The following GABRR3 variants were observed in gnomAD, a reference collection of about 807,000 sequenced individuals.
GABRR3 encodes the protein gamma-aminobutyric acid type A receptor subunit rho3, also known as gamma-aminobutyric acid receptor subunit rho-3.
Under a neutral mutation model 43.2 loss-of-function variants are expected in GABRR3, and 29 were observed. The observed-to-expected ratio is 0.67, with a 90% confidence interval of 0.50 to 0.92. GABRR3 has a LOEUF of 0.92. GABRR3 is among the 40% of genes least tolerant of loss of function. The pLI is 0.00. For synonymous variants in GABRR3, 206 were observed against 195.9 expected, an observed-to-expected ratio of 1.05 and a Z score of -0.43; for missense variants, 576 against 572.3, an observed-to-expected ratio of 1.01 and a Z score of -0.07.
At chr3:98,029,931 C>G (rs1466382728) in intron 2 of GABRR3, among the ~76,000 whole-genome samples, 1 of 151,872 alleles carries the variant, frequency 6.6e-6, no homozygotes, top group Non-Finnish European at 1.5e-5. Flanking sequence ...GACTGGCCAA[C>G]ATGGTAAACC....
intron 8 of GABRR3, among the ~76,000 whole-genome samples, chr3:97,993,634 A>G (rs1307045388): frequency 6.6e-6 from 1 of 152,204 alleles, no homozygotes; most frequent in Non-Finnish European, 1.5e-5. Context: ...GATTCTGAGT[A>G]TAAGTGTGCT....
chr3:98,029,168 G>A (rs1457363972), intron 2 of GABRR3, among the ~76,000 whole-genome samples: 1 of 152,178 alleles, frequency 6.6e-6, no homozygotes. Context: ...GCCTCTCACT[G>A]GCATTCCTAA....
chr3:97,989,048 G>A (rs1378194091), intron 9 of GABRR3, among the ~76,000 whole-genome samples: 1 of 151,166 alleles, frequency 6.6e-6, no homozygotes, highest in Non-Finnish European at 1.5e-5. Context: ...GGTGGGTGGT[G>A]AGTGGTGGTG....
chr3:97,993,128 G>T (rs1333281987), intron 8 of GABRR3, 80 bp from the exon 9 acceptor site: 47 of 1,152,314 alleles, frequency 4.1e-5, no homozygotes, highest in Admixed American at 1.6e-4. Context: ...ACCAGGGGAT[G>T]CATTTCTAGA....
chr3:98,024,597 G>T (rs1706989748), intron 3 of GABRR3, among the ~76,000 whole-genome samples: 1 of 152,140 alleles, frequency 6.6e-6, no homozygotes, highest in African/African-American at 2.4e-5. Context: ...AACACTTGCG[G>T]TATTCGTTAT....
intron 2 of GABRR3, among the ~76,000 whole-genome samples, chr3:98,033,755 G>A (rs1016889080): frequency 6.6e-6 from 1 of 152,160 alleles, no homozygotes; most frequent in African/African-American, 2.4e-5. Context: ...TAATTGCTAT[G>A]ACGAAGACTG....
intron 4 of GABRR3, among the ~76,000 whole-genome samples, chr3:98,012,900 A>C (rs1307024208): frequency 1.3e-5 from 2 of 152,118 alleles, no homozygotes; most frequent in African/African-American, 4.8e-5. Context: ...GGAACCTGAA[A>C]CTTTACTATT....
exon 10 of GABRR3, chr3:97,986,801 C>G (rs781620783): frequency 2.5e-6 from 4 of 1,611,696 alleles, no homozygotes; most frequent in Non-Finnish European, 2.5e-6. Context: ...AACATGTCCT[C>G]CTAGGGATTT....
chr3:98,001,743 T>C (rs376249139), exon 8 of GABRR3: 2 of 1,613,112 alleles, frequency 1.2e-6, no homozygotes, highest in Non-Finnish European at 1.7e-6. Context: ...TAGCACAAAG[T>C]TGATGAAAAG....
chr3:98,007,947 T>C, intron 6 of GABRR3, 43 bp from the exon 7 acceptor site: 1 of 1,492,188 alleles, frequency 6.7e-7, no homozygotes, highest in Non-Finnish European at 9.0e-7. Context: ...AATAAGCTCT[T>C]GTAAGCTCAA....
chr3:98,020,842 G>A (rs1435464459), intron 3 of GABRR3, among the ~76,000 whole-genome samples: 7 of 151,088 alleles, frequency 4.6e-5, no homozygotes, highest in Admixed American at 4.6e-4. Flanking sequence ...GGTGCCGTCT[G>A]GCCTCATTTC....
At chr3:98,002,050 CACAATA>C (rs1706653098) in intron 7 of GABRR3, among the ~76,000 whole-genome samples, 1 of 152,000 alleles carries the variant, frequency 6.6e-6, no homozygotes, top group South Asian at 2.1e-4. Flanking sequence ...GATCTGTCTC[CACAATA>C]TATTGTATTG....
intron 8 of GABRR3, chr3:97,999,469 C>T (rs138781810): frequency 6.3e-4 from 96 of 152,114 alleles, no homozygotes; most frequent in Admixed American, 1.3e-3. Flanking sequence ...TGAAAGTACC[C>T]AAATGGAACA....
chr3:97,985,835 A>T (rs1706378213), downstream of GABRR3, among the ~76,000 whole-genome samples: 1 of 126,886 alleles, frequency 7.9e-6, no homozygotes, highest in Admixed American at 9.4e-5. Flanking sequence ...CAAATACATG[A>T]AACAATATTT....
At chr3:98,018,724 T>C (rs906367546) in intron 3 of GABRR3, among the ~76,000 whole-genome samples, 1 of 152,238 alleles carries the variant, frequency 6.6e-6, no homozygotes, top group African/African-American at 2.4e-5. Flanking sequence ...TTATTGTCTC[T>C]ATAGTCCTGA....
chr3:98,024,643 ATCTT>A (rs1706990249), intron 3 of GABRR3, among the ~76,000 whole-genome samples: 1 of 152,086 alleles, frequency 6.6e-6, no homozygotes, highest in Non-Finnish European at 1.5e-5. Context: ...CTGCCAGAGG[ATCTT>A]TCTTCTCACC....
chr3:98,012,985 C>T (rs1367646715), intron 4 of GABRR3, among the ~76,000 whole-genome samples: 1 of 152,092 alleles, frequency 6.6e-6, no homozygotes, highest in Non-Finnish European at 1.5e-5. Flanking sequence ...TATTGATACT[C>T]ATGTTATTTT....
intron 4 of GABRR3, among the ~76,000 whole-genome samples, chr3:98,014,780 T>C (rs1038519878): frequency 2.6e-5 from 4 of 152,194 alleles, no homozygotes; most frequent in African/African-American, 4.8e-5. Context: ...ATTAAGGATA[T>C]AGATGAAAAG....
chr3:98,024,152 G>A (rs1444414989), intron 3 of GABRR3, among the ~76,000 whole-genome samples: 1 of 152,184 alleles, frequency 6.6e-6, no homozygotes, highest in Non-Finnish European at 1.5e-5. Flanking sequence ...GAAGTCAGGA[G>A]TTTGAGAACA....
Sources: gnomAD v4.1 joint callset for allele counts (sites outside exome capture counted in the v4.1 genomes callset) on GRCh38, gnomAD v4.1.1 for gene constraint, MANE v1.5 for transcripts, NCBI Gene and HGNC (gene_info 2026-07-23, HGNC 2026-07-21) for gene names.